Variants in HEPHL1 observed in about 807,000 individuals in gnomAD.
HEPHL1 encodes the protein hephaestin like 1.
A neutral mutation model predicts 122.0 loss-of-function variants in HEPHL1; 123 were observed. That is an observed-to-expected ratio of 1.01 (90% CI 0.87 to 1.17). The LOEUF is 1.17. HEPHL1 is among the 50% of genes most tolerant of loss of function. The pLI is 0.00. For missense variants in HEPHL1, 1,452 were observed against 1,430.5 expected (o/e 1.01, Z -0.24); for synonymous variants, 527 against 508.9 (o/e 1.04, Z -0.48).
At position 94,070,464 on chromosome 11, in the gene HEPHL1, C is replaced by G; in HGVS notation, c.1154C>G (p.Ala385Gly). ...GGTCAACAGAGGCGCTACTTTATAG[C>G]AGCTGAAAAAATTCTTTGGGATTAT... ...MKGQQRRYFI[A>G]AEKILWDYAP... is the part of the protein sequence containing the mutation. The change falls in exon 6 of 20, where the codon GCA becomes GGA. Residue 385 changes from alanine to glycine, a missense_variant. By Grantham distance (60) the Ala-to-Gly change is moderately conservative. Coordinates refer to ENST00000315765, the MANE Select transcript of HEPHL1 (RefSeq NM_001098672.2). 1 of 1,609,904 alleles carries G rather than the reference C, an allele frequency of 6.2e-7. No homozygotes were observed. The highest frequency in any genetic ancestry group is 8.5e-7 in the Non-Finnish European group (1 of 1,177,892).
intron 9 of HEPHL1, among the ~76,000 whole-genome samples, chr11:94,081,770 G>C (rs559637470): frequency 6.6e-6 from 1 of 152,092 alleles, no homozygotes; most frequent in African/African-American, 2.4e-5. Context: ...CATTGCAGTA[G>C]GAAAAAGTTA....
intron 2 of HEPHL1, among the ~76,000 whole-genome samples, chr11:94,053,236 C>T (rs949161399): frequency 3.9e-5 from 6 of 152,070 alleles, no homozygotes; most frequent in Non-Finnish European, 8.8e-5. Context: ...TCTCAGTTGT[C>T]TATTATTTTG....
chr11:94,032,406 C>A (rs966591412), intron 1 of HEPHL1, among the ~76,000 whole-genome samples: 2 of 152,186 alleles, frequency 1.3e-5, no homozygotes, highest in Non-Finnish European at 2.9e-5. Flanking sequence ...GGCTAGACAG[C>A]GGGAGTGATA....
intron 2 of HEPHL1, among the ~76,000 whole-genome samples, chr11:94,056,668 T>TCTATCTAA (rs1945939609): frequency 3.3e-5 from 5 of 151,348 alleles, no homozygotes; most frequent in Admixed American, 6.6e-5. Context: ...TATCTATCTA[T>TCTATCTAA]CTATCTATCT....
chr11:94,112,706 T>C lies in HEPHL1; in HGVS notation c.*812T>C, dbSNP rs1212801506. ...GAGGGCTGAAATCTGTAAAAGAACA[T>C]GTTAGGCTCTCCCTTTATGAATCAG... On this transcript the variant is annotated 3_prime_UTR_variant, in exon 20 of 20. Coordinates refer to ENST00000315765, the MANE Select transcript of HEPHL1 (RefSeq NM_001098672.2). The C allele has an allele frequency of 6.6e-6, 1 of 152,184 alleles. No homozygotes were observed. Among genetic ancestry groups the C allele is most frequent in the Admixed American group, 6.5e-5 (1 of 15,276 alleles). The allele number at this position is 152,184 out of a possible 1,614,324, so 9.4% of individuals were successfully genotyped here.
chr11:94,102,421 T>C (rs1293658507), intron 14 of HEPHL1, among the ~76,000 whole-genome samples: 1 of 152,150 alleles, frequency 6.6e-6, no homozygotes, highest in Non-Finnish European at 1.5e-5. Context: ...AGATCTCACC[T>C]GCCCACTTGA....
At chr11:94,085,165 C>A (rs1418086681) in intron 10 of HEPHL1, among the ~76,000 whole-genome samples, 1 of 152,174 alleles carries the variant, frequency 6.6e-6, no homozygotes, top group Non-Finnish European at 1.5e-5. Context: ...TGCGTTATAT[C>A]ATGGCTTTCA....
rs1232038105 is a variant in HEPHL1, at chr11:94,112,431, A to AT, written c.*543dup. The stretch of plus-strand genomic sequence containing the variant: ...CTGCTGATAGAATTAGACCAAATAA[A>AT]TTTTTTGGAGGCTTTAACCAGCTCT... On this transcript the variant is annotated 3_prime_UTR_variant, in exon 20 of 20. Transcript: ENST00000315765. 1 of 152,200 alleles carries AT rather than the reference A, an allele frequency of 6.6e-6. No individual in the cohort carries two copies. The highest frequency in any genetic ancestry group is 1.5e-5 in the Non-Finnish European group (1 of 68,044). The allele number at this position is 152,200 out of a possible 1,614,324, so 9.4% of individuals were successfully genotyped here.
Position 94,073,017 on chromosome 11 carries a change from C to T in HEPHL1, c.1233-8C>T. The T allele has an allele frequency of 6.2e-7, 1 of 1,611,116 alleles. No homozygotes were observed. Among genetic ancestry groups the T allele is most frequent in the South Asian group, 1.1e-5 (1 of 90,908 alleles). On this transcript the variant is annotated splice_region_variant and splice_polypyrimidine_tract_variant and intron_variant, in intron 6 of 19. Coordinates refer to ENST00000315765, the MANE Select transcript of HEPHL1 (RefSeq NM_001098672.2). ...AGTGTCCTCAATCACATTCCTATGT[C>T]TTTTCAGTGACTCTGATCTCTACTT...
intron 4 of HEPHL1, among the ~76,000 whole-genome samples, chr11:94,067,239 G>T (rs1946041801): frequency 2.6e-5 from 4 of 152,216 alleles, no homozygotes; most frequent in Non-Finnish European, 5.9e-5. Context: ...CGTTCCCACA[G>T]CAGCTCCGAG....
intron 17 of HEPHL1, among the ~76,000 whole-genome samples, chr11:94,107,490 C>T (rs544733160): frequency 2.9e-3 from 434 of 152,254 alleles, no homozygotes; most frequent in Non-Finnish European, 5.0e-3. Flanking sequence ...AGTAGTGTAA[C>T]GAACAACAAT....
rs1258799511 is a variant in HEPHL1 at position 94,113,516 on chromosome 11, T to A, written c.*1622T>A. ...AACAGCATACACAAAAGATTTTGAA[T>A]TTCAATCTGCTAACCATTGACAATG... is the stretch of plus-strand genomic sequence containing the variant. On this transcript the variant is annotated 3_prime_UTR_variant, in exon 20 of 20. Coordinates refer to ENST00000315765, the MANE Select transcript of HEPHL1 (RefSeq NM_001098672.2). 1 of 152,250 alleles carries A rather than the reference T, an allele frequency of 6.6e-6. No individual in the cohort carries two copies. Among genetic ancestry groups the A allele is most frequent in the African/African-American group, 2.4e-5 (1 of 41,476 alleles). The allele number at this position is 152,250 out of a possible 1,614,324, so 9.4% of individuals were successfully genotyped here.
intron 12 of HEPHL1, among the ~76,000 whole-genome samples, chr11:94,091,599 C>T (rs536371462): frequency 3.9e-5 from 6 of 152,308 alleles, no homozygotes; most frequent in African/African-American, 9.6e-5. Flanking sequence ...CTTTCCCACA[C>T]AGAATTCCTG....
At chr11:94,037,597 C>T (rs557070134) in intron 1 of HEPHL1, among the ~76,000 whole-genome samples, 1 of 152,192 alleles carries the variant, frequency 6.6e-6, no homozygotes, top group African/African-American at 2.4e-5. Flanking sequence ...AGGCACCCCC[C>T]CAACAGGGGC....
At chr11:94,042,721 G>A (rs1287328179) in intron 1 of HEPHL1, among the ~76,000 whole-genome samples, 2 of 124,278 alleles carry the variant, frequency 1.6e-5, no homozygotes, top group East Asian at 4.9e-4. Flanking sequence ...TTTGGGGACT[G>A]TGGTGGGGTG....
intron 2 of HEPHL1, among the ~76,000 whole-genome samples, chr11:94,049,248 A>G (rs947601236): frequency 6.6e-6 from 1 of 152,200 alleles, no homozygotes; most frequent in African/African-American, 2.4e-5. Flanking sequence ...GGGGAAATGC[A>G]AATCAGAACT....
At chr11:94,074,203 C>A (rs1352212843) in intron 8 of HEPHL1, among the ~76,000 whole-genome samples, 2 of 152,042 alleles carry the variant, frequency 1.3e-5, no homozygotes, top group Non-Finnish European at 2.9e-5. Flanking sequence ...AGAGAATTCC[C>A]TCTCCCTGGA....
intron 3 of HEPHL1, 82 bp from the exon 4 acceptor site, chr11:94,064,249 C>T: frequency 9.3e-7 from 1 of 1,073,342 alleles, no homozygotes; most frequent in Non-Finnish European, 1.4e-6. Context: ...CCAAACTTCA[C>T]ACTTGCCTGA....
At chr11:94,104,415 A>G in intron 15 of HEPHL1, 113 bp from the exon 16 acceptor site, 1 of 715,736 alleles carries the variant, frequency 1.4e-6, no homozygotes, top group Non-Finnish European at 2.3e-6. Context: ...AGAAGAATCA[A>G]TTTCTAGTCC....
Sources: gnomAD v4.1 joint callset for allele counts (sites outside exome capture counted in the v4.1 genomes callset) on GRCh38, gnomAD v4.1.1 for gene constraint, MANE v1.5 for transcripts, NCBI Gene and HGNC (gene_info 2026-07-23, HGNC 2026-07-21) for gene names.